MMS22L: variants seen among roughly 807,000 people sequenced by gnomAD.
MMS22L encodes protein MMS22-like.
In MMS22L, 74 loss-of-function variants were observed where a neutral mutation model predicts 159.1. That is an observed-to-expected ratio of 0.47 (90% CI 0.39 to 0.56). MMS22L has a LOEUF of 0.56. Ranked by LOEUF, MMS22L falls within the 20% of genes least tolerant of loss-of-function variation. MMS22L has a pLI of 0.00. For synonymous variants in MMS22L, 517 were observed against 506.9 expected (o/e 1.02, Z -0.27); for missense variants, 1,351 against 1,422.1 (o/e 0.95, Z 0.80).
chr6:97,209,504 T>C (rs1484398539), intron 14 of MMS22L, among the ~76,000 whole-genome samples: 4 of 151,900 alleles, frequency 2.6e-5, no homozygotes, highest in African/African-American at 9.7e-5. Context: ...CCTCAAGCTA[T>C]CTACAATTAC....
chr6:97,218,497 C>A (rs965856757), intron 14 of MMS22L, among the ~76,000 whole-genome samples: 4 of 152,142 alleles, frequency 2.6e-5, no homozygotes, highest in Non-Finnish European at 4.4e-5. Flanking sequence ...TGAGTGCATA[C>A]TACATATGCT....
intron 24 of MMS22L, among the ~76,000 whole-genome samples, chr6:97,149,179 G>T (rs556845769): frequency 6.6e-6 from 1 of 152,086 alleles, no homozygotes; most frequent in South Asian, 2.1e-4. Context: ...ACATTTCTTA[G>T]AACTTATCCC....
At chr6:97,205,272 A>C (rs1807656912) in intron 14 of MMS22L, among the ~76,000 whole-genome samples, 1 of 151,796 alleles carries the variant, frequency 6.6e-6, no homozygotes, top group South Asian at 2.1e-4. Flanking sequence ...AGACAGGGTT[A>C]AGCATTTAAG....
At chr6:97,205,890 G>A (rs371943406) in intron 14 of MMS22L, among the ~76,000 whole-genome samples, 20 of 152,236 alleles carry the variant, frequency 1.3e-4, no homozygotes, top group African/African-American at 4.6e-4. Context: ...TATGGAAACC[G>A]TAACTCTTCT....
At chr6:97,210,883 T>C (rs1582630299) in intron 14 of MMS22L, among the ~76,000 whole-genome samples, 1 of 152,116 alleles carries the variant, frequency 6.6e-6, no homozygotes, top group East Asian at 1.9e-4. Flanking sequence ...CCATCTTCCA[T>C]GAGTAGTCTG....
chr6:97,233,243 T>C (rs1811058557), intron 12 of MMS22L, among the ~76,000 whole-genome samples: 1 of 152,138 alleles, frequency 6.6e-6, no homozygotes, highest in Admixed American at 6.5e-5. Flanking sequence ...GGCCTATAAT[T>C]CAGAACTATT....
At position 97,144,479 on chromosome 6, in the gene MMS22L, G is replaced by A. The variant is rs1057487090; in HGVS notation, c.*2327C>T. 8.5e-5 allele frequency: 13 copies of A among 152,224 alleles called. No individual in the cohort carries two copies. Among genetic ancestry groups the A allele is most frequent in the African/African-American group, 2.9e-4 (12 of 41,438 alleles). 9.4% of individuals were successfully genotyped at this position (152,224 alleles called of 1,614,324 possible). A position where few individuals can be genotyped will look rare whatever the true frequency, so the allele number is the denominator to read the frequency against. On this transcript the variant is annotated 3_prime_UTR_variant, in exon 25 of 25. Transcript: ENST00000683635. ...GGGTCAACTGTATATGTAGGAAGGA[G>A]CAGTACCATTGTGGAAATGATGGGA... is the stretch of plus-strand genomic sequence containing the variant.
chr6:97,151,603 C>G, intron 23 of MMS22L, 168 bp downstream of exon 23: 1 of 551,990 alleles, frequency 1.8e-6, no homozygotes, highest in Non-Finnish European at 3.2e-6. Context: ...TTTTATTTTT[C>G]AATAAAACAT....
chr6:97,152,150 T>C (rs1392588829), intron 22 of MMS22L, among the ~76,000 whole-genome samples: 1 of 152,126 alleles, frequency 6.6e-6, no homozygotes, highest in Non-Finnish European at 1.5e-5. Context: ...TCAAAAAAGT[T>C]ACACCATCCT....
At chr6:97,156,571 G>C (rs1305898651) in intron 22 of MMS22L, among the ~76,000 whole-genome samples, 1 of 152,114 alleles carries the variant, frequency 6.6e-6, no homozygotes, top group Non-Finnish European at 1.5e-5. Flanking sequence ...TTATTCAATA[G>C]GGAATCCTTT....
intron 20 of MMS22L, among the ~76,000 whole-genome samples, chr6:97,166,313 T>G (rs1802953078): frequency 6.6e-6 from 1 of 152,150 alleles, no homozygotes; most frequent in Non-Finnish European, 1.5e-5. Flanking sequence ...TACATTATAT[T>G]ATAAAAGTTA....
chr6:97,253,446 T>A (rs1813446611), intron 10 of MMS22L: 1 of 149,094 alleles, frequency 6.7e-6, no homozygotes, highest in African/African-American at 2.5e-5. Flanking sequence ...AGAGTTAAGA[T>A]CTAGGTATCT....
At chr6:97,199,827 C>T (rs908481146) in intron 14 of MMS22L, among the ~76,000 whole-genome samples, 5 of 151,952 alleles carry the variant, frequency 3.3e-5, no homozygotes, top group African/African-American at 7.3e-5. Context: ...AGTCTAGTCA[C>T]CATTGTAATA....
intron 14 of MMS22L, among the ~76,000 whole-genome samples, chr6:97,201,296 G>A (rs897165764): frequency 1.3e-5 from 2 of 152,246 alleles, no homozygotes; most frequent in South Asian, 2.1e-4. Flanking sequence ...TATACACTGA[G>A]TTAAAGAGCT....
Position 97,231,466 on chromosome 6 carries a change from T to C in MMS22L, c.1489A>G (p.Lys497Glu). The change falls in exon 13 of 25, where the codon AAG becomes GAG. Residue 497 changes from lysine (K) to glutamate (E), a missense_variant. By Grantham distance (56) the Lys-to-Glu change is moderately conservative. Coordinates refer to ENST00000683635, the MANE Select transcript of MMS22L (RefSeq NM_001350599.2). ...ILAKVVKKAM[K>E]SNGPHPWKQV... ...TTCCAAGGATGAGGGCCATTGCTCT[T>C]CATTGCTTTTTTAACAACTTTTGCC... 6.2e-7 allele frequency: 1 copy of C among 1,613,748 alleles called. No homozygotes were observed. The highest frequency in any genetic ancestry group is 8.5e-7 in the Non-Finnish European group (1 of 1,179,816).
chr6:97,180,577 G>A (rs1403828073), intron 16 of MMS22L, among the ~76,000 whole-genome samples: 6 of 152,088 alleles, frequency 3.9e-5, no homozygotes, highest in African/African-American at 1.4e-4. Flanking sequence ...ACACAATGAA[G>A]AAGAACACAG....
In MMS22L at chr6:97,163,693, G is replaced by A. The variant is rs1363811241; in HGVS notation, c.3222-1528C>T. On this transcript the variant is annotated intron_variant, in intron 21 of 24. Coordinates refer to ENST00000683635, the MANE Select transcript of MMS22L (RefSeq NM_001350599.2). The stretch of plus-strand genomic sequence containing the variant: ...AGTAAGGCAAAACTATCATAATTCT[G>A]CAAATTGAGCTGTACAGGGCATATG... 2.6e-5 allele frequency among the ~76,000 whole-genome samples: 4 copies of A among 152,078 alleles called. No individual in the cohort carries two copies. The East Asian group carries it at 7.8e-4, about 29-fold the overall frequency.
intron 9 of MMS22L, among the ~76,000 whole-genome samples, chr6:97,258,429 G>A (rs763576699): frequency 7.0e-4 from 107 of 152,236 alleles, no homozygotes; most frequent in Middle Eastern, 6.8e-3. Context: ...CTAAGATATA[G>A]CTGCAATGTG....
At chr6:97,177,153 A>G (rs1467110535) in intron 18 of MMS22L, among the ~76,000 whole-genome samples, 1 of 152,076 alleles carries the variant, frequency 6.6e-6, no homozygotes, top group Non-Finnish European at 1.5e-5. Flanking sequence ...TGCACCTTTA[A>G]GTTATATTAT....
Sources: gnomAD v4.1 joint callset for allele counts (sites outside exome capture counted in the v4.1 genomes callset) on GRCh38, gnomAD v4.1.1 for gene constraint, MANE v1.5 for transcripts, NCBI Gene and HGNC (gene_info 2026-07-23, HGNC 2026-07-21) for gene names.